GPAM: variants seen among roughly 807,000 people sequenced by gnomAD.
GPAM encodes glycerol-3-phosphate acyltransferase 1, mitochondrial.
A neutral mutation model predicts 105.0 loss-of-function variants in GPAM; 56 were observed. The ratio of observed to expected loss-of-function variants is 0.53; its 90% confidence interval spans 0.43 to 0.67. The LOEUF (loss-of-function observed/expected upper bound fraction) is 0.67. GPAM is among the 30% of genes least tolerant of loss of function. The pLI is 0.00. For missense variants in GPAM, 855 were observed against 989.8 expected (o/e 0.86, Z 1.83); for synonymous variants, 368 against 354.4 (o/e 1.04, Z -0.43).
chr10:112,181,692 A>T lies in GPAM; in HGVS notation c.93T>A (p.Ser31Arg). Residue 31 changes from serine (S) to arginine (R), a missense_variant, in exon 3 of 22, where the codon AGT becomes AGA. Coordinates refer to ENST00000348367, the MANE Select transcript of GPAM (RefSeq NM_001244949.2). ...EYSVGRCKHT[S>R]EEWGECGFRP... The stretch of plus-strand genomic sequence containing the variant: ...CTTATCCTAAACTTACCCATTCCTC[A>T]CTTGTGTGCTTACATCGACCAACAC... 1 of 1,576,314 alleles carries T rather than the reference A, an allele frequency of 6.3e-7. No homozygotes were observed. The highest frequency in any genetic ancestry group is 8.7e-7 in the Non-Finnish European group (1 of 1,145,610).
chr10:112,201,355 C>A (rs974257814), intron 1 of GPAM, among the ~76,000 whole-genome samples: 3 of 152,224 alleles, frequency 2.0e-5, no homozygotes, highest in Admixed American at 2.0e-4. Context: ...ACTTACACTT[C>A]TGCTCTTTCA....
At position 112,152,084 on chromosome 10, in the gene GPAM, A is replaced by T; in HGVS notation, c.*1466T>A. ...TCCCAAAACACACATTACTCATGAG[A>T]TACTATCAGTGTTTAAAATCCAAGC... is the stretch of plus-strand genomic sequence containing the variant. On this transcript the variant is annotated 3_prime_UTR_variant, in exon 22 of 22. Transcript: ENST00000348367. 1.0e-6 allele frequency: 1 copy of T among 982,760 alleles called. No individual in the cohort carries two copies. Among genetic ancestry groups the T allele is most frequent in the Non-Finnish European group, 1.2e-6 (1 of 827,520 alleles). 60.9% of individuals were successfully genotyped at this position (982,760 alleles called of 1,614,324 possible). A position where few individuals can be genotyped will look rare whatever the true frequency, so the allele number is the denominator to read the frequency against.
intron 16 of GPAM, 169 bp downstream of exon 16, chr10:112,160,435 T>G: frequency 1.4e-6 from 1 of 738,414 alleles, no homozygotes; most frequent in Non-Finnish European, 1.7e-6. Context: ...AACTACTCAT[T>G]GTAAACAGTG....
At chr10:112,212,747 T>G (rs1847926189) in intron 1 of GPAM, among the ~76,000 whole-genome samples, 2 of 152,188 alleles carry the variant, frequency 1.3e-5, no homozygotes, top group African/African-American at 2.4e-5. Context: ...TAGCCTTGGT[T>G]TGTTCATCTG....
At chr10:112,160,996 T>C (rs1847113878) in intron 15 of GPAM, 128 bp from the exon 16 acceptor site, 1 of 777,066 alleles carries the variant, frequency 1.3e-6, no homozygotes, top group South Asian at 1.5e-5. Flanking sequence ...CATAGAGAAG[T>C]AGGGCCAGAA....
intron 21 of GPAM, 84 bp from the exon 22 acceptor site, chr10:112,153,750 T>C: frequency 1.3e-6 from 2 of 1,520,518 alleles, no homozygotes; most frequent in Non-Finnish European, 1.8e-6. Flanking sequence ...TGTGGTGTCC[T>C]AGACCTCAGA....
At chr10:112,176,255 T>C (rs1847402546) in intron 5 of GPAM, among the ~76,000 whole-genome samples, 1 of 152,204 alleles carries the variant, frequency 6.6e-6, no homozygotes, top group Admixed American at 6.5e-5. Flanking sequence ...ATATTTGTAC[T>C]CTAGGCTAAC....
At chr10:112,177,354 T>C (rs1847425772) in intron 5 of GPAM, among the ~76,000 whole-genome samples, 1 of 152,172 alleles carries the variant, frequency 6.6e-6, no homozygotes, top group South Asian at 2.1e-4. Context: ...ATTTTTAGAA[T>C]TACAAGGACT....
At position 112,208,121 on chromosome 10, in the gene GPAM, A is replaced by T. The variant is rs185570367; in HGVS notation, n.210+7047T>A. On this transcript the variant is annotated intron_variant and non_coding_transcript_variant, in intron 1 of 3. Coordinates refer to the GPAM transcript ENST00000480130. ...ATAACCACATGCATCAGGGGACTTC[A>T]TTTAATCACAGCAGAGCCAATGATC... Among the ~76,000 whole-genome samples, 304 of 152,270 alleles carry T rather than the reference A, an allele frequency of 2.0e-3. 2 individuals carry two copies. Among genetic ancestry groups the T allele is most frequent in the Non-Finnish European group, 1.8e-3 (124 of 68,026 alleles).
chr10:112,163,825 T>G lies in GPAM; in HGVS notation c.1308-9A>C. The stretch of plus-strand genomic sequence containing the variant: ...CAGCAGCATCACTGGGTCTAAAAAG[T>G]GTTTCAAAAATCAACACACAACCGC... On this transcript the variant is annotated splice_polypyrimidine_tract_variant and intron_variant, in intron 13 of 21. Coordinates refer to ENST00000348367, the MANE Select transcript of GPAM (RefSeq NM_001244949.2). 1 of 1,434,530 alleles carries G rather than the reference T, an allele frequency of 7.0e-7. No individual in the cohort carries two copies. The highest frequency in any genetic ancestry group is 1.4e-5 in the African/African-American group (1 of 71,508). 88.9% of individuals were successfully genotyped at this position (1,434,530 alleles called of 1,614,324 possible).
At chr10:112,222,031 C>T in the GPAM span, among the ~76,000 whole-genome samples, 18 of 152,238 alleles carry the variant, frequency 1.2e-4, no homozygotes, top group African/African-American at 4.1e-4. Context: ...GATATGATGT[C>T]TGGGGATTTG....
rs774650171 is a variant in GPAM at position 112,156,066 on chromosome 10, A to G, written c.2122-13T>C. On this transcript the variant is annotated splice_polypyrimidine_tract_variant and intron_variant, in intron 19 of 21. Coordinates refer to ENST00000348367, the MANE Select transcript of GPAM (RefSeq NM_001244949.2). Reference sequence around the variant, plus strand: ...TGGATTGGCTCACCTGAGTGTGCAAAAGCAGGAGATGAAGTCATGAGGAAG... The same window carrying G: ...TGGATTGGCTCACCTGAGTGTGCAAGAGCAGGAGATGAAGTCATGAGGAAG... The G allele has an allele frequency of 6.3e-7, 1 of 1,598,100 alleles. No homozygotes were observed. The highest frequency in any genetic ancestry group is 1.7e-5 in the Admixed American group (1 of 59,526).
Position 112,152,226 on chromosome 10 carries a change from CTG to C in GPAM, c.*1322_*1323del. On this transcript the variant is annotated 3_prime_UTR_variant, in exon 22 of 22. Transcript: ENST00000348367. ...TATCTTGGAGATAAGCAACAGTAAA[CTG>C]TTAGAAAACGTTTTAACATTACATG... The C allele has an allele frequency of 1.0e-6, 1 of 977,460 alleles. No homozygotes were observed. Among genetic ancestry groups the C allele is most frequent in the Non-Finnish European group, 1.2e-6 (1 of 822,766 alleles). 60.5% of individuals were successfully genotyped at this position (977,460 alleles called of 1,614,324 possible).
At chr10:112,188,427 T>C (rs1033555251), upstream of GPAM, among the ~76,000 whole-genome samples, 4 of 152,146 alleles carry the variant, frequency 2.6e-5, no homozygotes, top group African/African-American at 9.7e-5. Context: ...CAGGGTGGTG[T>C]ACCAGATGTT....
chr10:112,219,604 T>C (rs2133314932), upstream of GPAM, among the ~76,000 whole-genome samples: 1 of 152,354 alleles, frequency 6.6e-6, no homozygotes. Context: ...CTAAGAGAGT[T>C]CTTAAATTCA....
rs544153564 is a variant in GPAM at position 112,166,566 on chromosome 10, C to T, written c.1108-51G>A. 3.0e-5 allele frequency: 28 copies of T among 941,136 alleles called. No individual in the cohort carries two copies. In the East Asian group the frequency reaches 5.7e-4, roughly 19 times the overall value. The allele number at this position is 941,136 out of a possible 1,614,324, so 58.3% of individuals were successfully genotyped here. A position where few individuals can be genotyped will look rare whatever the true frequency, so the allele number is the denominator to read the frequency against. On this transcript the variant is annotated intron_variant, in intron 11 of 21. Coordinates refer to ENST00000348367, the MANE Select transcript of GPAM (RefSeq NM_001244949.2). The stretch of plus-strand genomic sequence containing the variant: ...TGGTGAGAAATAAAGCCAACACATA[C>T]ACAAACATTCTATTATCCACAGAAT...
At chr10:112,154,768 T>C (rs1332415274) in intron 20 of GPAM, 81 bp from the exon 21 acceptor site, 18 of 1,126,378 alleles carry the variant, frequency 1.6e-5, no homozygotes, top group Middle Eastern at 3.8e-4. Context: ...TAAGAAAGTA[T>C]GGGGAGCTAG....
intron 14 of GPAM, among the ~76,000 whole-genome samples, chr10:112,162,985 T>C (rs1041643719): frequency 3.3e-5 from 5 of 152,102 alleles, no homozygotes; most frequent in South Asian, 2.1e-4. Flanking sequence ...CCCAGTAGCA[T>C]TGGCAGGGGG....
chr10:112,150,346 T>C lies in GPAM; in HGVS notation c.*3204A>G. Reference sequence around the variant, plus strand: ...AACCTTATTTACCCCAATTCATCCATGTATTCTGATACGTTCAGTGAAAAA... The same window carrying C: ...AACCTTATTTACCCCAATTCATCCACGTATTCTGATACGTTCAGTGAAAAA... On this transcript the variant is annotated 3_prime_UTR_variant, in exon 22 of 22. Transcript: ENST00000348367. 1 of 985,014 alleles carries C rather than the reference T, an allele frequency of 1.0e-6. No homozygotes were observed. Among genetic ancestry groups the C allele is most frequent in the Non-Finnish European group, 1.2e-6 (1 of 829,136 alleles). 61.0% of individuals were successfully genotyped at this position (985,014 alleles called of 1,614,324 possible).
Sources: gnomAD v4.1 joint callset for allele counts (sites outside exome capture counted in the v4.1 genomes callset) on GRCh38, gnomAD v4.1.1 for gene constraint, MANE v1.5 for transcripts, NCBI Gene and HGNC (gene_info 2026-07-23, HGNC 2026-07-21) for gene names.